The following GABRG3 variants were observed in gnomAD, a reference collection of about 807,000 sequenced individuals.
GABRG3 encodes gamma-aminobutyric acid type A receptor subunit gamma3, also known as gamma-aminobutyric acid receptor subunit gamma-3.
Under a neutral mutation model 48.8 loss-of-function variants are expected in GABRG3, and 25 were observed. The observed-to-expected ratio is 0.51, with a 90% CI of 0.37 to 0.72. The LOEUF is 0.72. GABRG3 is among the 30% of genes least tolerant of loss of function. The pLI is 0.00. For synonymous variants in GABRG3, 227 were observed against 217.6 expected (o/e 1.04, Z -0.38); for missense variants, 394 against 577.9 (o/e 0.68, Z 3.26).
intron 3 of GABRG3, among the ~76,000 whole-genome samples, chr15:27,296,553 G>A (rs1298321375): frequency 6.6e-6 from 1 of 152,098 alleles, no homozygotes; most frequent in Non-Finnish European, 1.5e-5. Flanking sequence ...ACATAATGAT[G>A]TTTCAGTCAA....
chr15:27,332,068 A>G (rs73363200), intron 5 of GABRG3, among the ~76,000 whole-genome samples: 9,441 of 152,290 alleles, frequency 0.062, 985 homozygotes, highest in African/African-American at 0.21. Flanking sequence ...CTATTCATAA[A>G]TGAGAATAAT....
chr15:27,415,929 G>A (rs797009346), intron 5 of GABRG3, among the ~76,000 whole-genome samples: 2 of 152,218 alleles, frequency 1.3e-5, no homozygotes, highest in South Asian at 4.1e-4. Flanking sequence ...ACATAATTGA[G>A]TATTTCCCTA....
intron 3 of GABRG3, among the ~76,000 whole-genome samples, chr15:27,104,367 G>C (rs996994647): frequency 6.6e-6 from 1 of 152,232 alleles, no homozygotes; most frequent in African/African-American, 2.4e-5. Flanking sequence ...CATGGCCAAA[G>C]TGGCGCGTGA....
intron 3 of GABRG3, among the ~76,000 whole-genome samples, chr15:27,305,433 C>T (rs1193703200): frequency 6.7e-6 from 1 of 149,644 alleles, no homozygotes; most frequent in Non-Finnish European, 1.5e-5. Flanking sequence ...AACATGTCAA[C>T]ATGTAAATTC....
chr15:27,147,489 G>C (rs1041131593), intron 3 of GABRG3, among the ~76,000 whole-genome samples: 2 of 152,044 alleles, frequency 1.3e-5, no homozygotes, highest in African/African-American at 4.8e-5. Flanking sequence ...ACAACCCAAT[G>C]ACAGTGGAAT....
chr15:27,073,298 G>T (rs1217302761), intron 3 of GABRG3, among the ~76,000 whole-genome samples: 2 of 152,254 alleles, frequency 1.3e-5, no homozygotes, highest in Non-Finnish European at 2.9e-5. Flanking sequence ...GGTGCTGGCT[G>T]TACTTCTGCA....
intron 3 of GABRG3, among the ~76,000 whole-genome samples, chr15:27,142,373 T>C (rs7173899): frequency 0.29 from 43,701 of 151,984 alleles, 7,110 homozygotes; most frequent in Middle Eastern, 0.4. Context: ...GCAAGGAGGA[T>C]CGAGTCCCAT....
At chr15:27,158,059 G>A (rs1353364346) in intron 3 of GABRG3, 1 of 151,958 alleles carries the variant, frequency 6.6e-6, no homozygotes, top group Non-Finnish European at 1.5e-5. Flanking sequence ...ACCAGACTAT[G>A]AGCTGGCTCT....
At chr15:27,277,015 A>G (rs1413775215) in intron 3 of GABRG3, among the ~76,000 whole-genome samples, 1 of 152,238 alleles carries the variant, frequency 6.6e-6, no homozygotes, top group Non-Finnish European at 1.5e-5. Flanking sequence ...GAAAAAAATC[A>G]GAACTTGGTA....
rs935987926 is a variant in GABRG3, at chr15:27,219,521, G to A, written c.271-107288G>A. Among the ~76,000 whole-genome samples, 7 of 152,296 alleles carry A rather than the reference G, an allele frequency of 4.6e-5. No individual in the cohort carries two copies. In the South Asian group the frequency reaches 1.0e-3, roughly 23 times the overall value. ...TGGGGCAGCTCAGGGTGGGCAGGAC[G>A]AGGACAGTGGTCATGTCCATGGATC... is the stretch of plus-strand genomic sequence containing the variant. On this transcript the variant is annotated intron_variant, in intron 3 of 9. Coordinates refer to ENST00000615808, the MANE Select transcript of GABRG3 (RefSeq NM_033223.5).
chr15:27,265,091 A>G (rs1890877573), intron 3 of GABRG3, among the ~76,000 whole-genome samples: 1 of 152,042 alleles, frequency 6.6e-6, no homozygotes, highest in Admixed American at 6.6e-5. Context: ...CATCCTTTAA[A>G]CCACCCCATA....
chr15:26,976,667 T>C lies in GABRG3; in HGVS notation c.54-335T>C, dbSNP rs1362416356. Among the ~76,000 whole-genome samples, 1 of 152,180 alleles carries C rather than the reference T, an allele frequency of 6.6e-6. No individual in the cohort carries two copies. The highest frequency in any genetic ancestry group is 6.5e-5 in the Admixed American group (1 of 15,274). ...GGTTTGTGCCTTGACCTTCACAGGC[T>C]ATCGGGGTGGATCCAAGGGTGTGTT... On this transcript the variant is annotated intron_variant, in intron 1 of 9. Coordinates refer to ENST00000615808, the MANE Select transcript of GABRG3 (RefSeq NM_033223.5). The surrounding 1 kb of genome is among the most constrained non-coding windows in gnomAD (Gnocchi z 7.8).
At chr15:27,351,165 G>T (rs1471163461) in intron 5 of GABRG3, among the ~76,000 whole-genome samples, 1 of 147,520 alleles carries the variant, frequency 6.8e-6, no homozygotes, top group African/African-American at 2.5e-5. Flanking sequence ...GTGCATGTGC[G>T]TATGGTGTAT....
intron 2 of GABRG3, among the ~76,000 whole-genome samples, chr15:26,980,643 C>T (rs908199051): frequency 6.8e-6 from 1 of 147,658 alleles, no homozygotes; most frequent in Admixed American, 6.9e-5. Flanking sequence ...GGCGCCACTG[C>T]ACTCCAGCCT....
chr15:27,446,010 A>G (rs1328385562), intron 5 of GABRG3, among the ~76,000 whole-genome samples: 7 of 152,254 alleles, frequency 4.6e-5, no homozygotes, highest in Non-Finnish European at 1.5e-5. Flanking sequence ...CTATATTTCT[A>G]TCCTGATTTC....
chr15:26,971,711 G>T, intron 1 of GABRG3, 123 bp downstream of exon 1: 1 of 1,132,834 alleles, frequency 8.8e-7, no homozygotes, highest in Non-Finnish European at 1.2e-6. Context: ...GGCGGGCCGG[G>T]AGGGGACTGG....
chr15:27,258,002 G>C (rs1420653937), intron 3 of GABRG3, among the ~76,000 whole-genome samples: 1 of 152,056 alleles, frequency 6.6e-6, no homozygotes, highest in Non-Finnish European at 1.5e-5. Context: ...AGTTCAAAAG[G>C]GAAAATGCTA....
intron 5 of GABRG3, 97 bp downstream of exon 5, chr15:27,328,985 C>A: frequency 1.0e-6 from 1 of 1,000,290 alleles, no homozygotes; most frequent in Non-Finnish European, 1.6e-6. Context: ...ATCACAGTGT[C>A]CCTGCACACA....
chr15:27,332,075 T>C (rs564386850), intron 5 of GABRG3, among the ~76,000 whole-genome samples: 1 of 152,324 alleles, frequency 6.6e-6, no homozygotes, highest in Non-Finnish European at 1.5e-5. Context: ...TAAATGAGAA[T>C]AATAACACTG....
Sources: gnomAD v4.1 joint callset for allele counts (sites outside exome capture counted in the v4.1 genomes callset) on GRCh38, gnomAD v4.1.1 for gene constraint, Gnocchi (gnomAD v3.1) non-coding constraint, MANE v1.5 for transcripts, NCBI Gene and HGNC (gene_info 2026-07-23, HGNC 2026-07-21) for gene names.